Variants in RUNX2 observed in about 807,000 individuals in gnomAD.
RUNX2 encodes the protein RUNX family transcription factor 2, also known as runt-related transcription factor 2.
RUNX2 carries 10 observed loss-of-function variants against 51.7 expected under a neutral mutation model. The observed-to-expected ratio is 0.19, with a 90% CI of 0.12 to 0.33. The LOEUF is 0.33. Ranked by LOEUF, RUNX2 falls within the 10% of genes least tolerant of loss-of-function variation. The pLI is 1.00. For missense variants in RUNX2, 562 were observed against 691.3 expected (o/e 0.81, Z 2.10); for synonymous variants, 276 against 273.6 (o/e 1.01, Z -0.09).
intron 2 of RUNX2, among the ~76,000 whole-genome samples, chr6:45,362,681 C>G (rs538571733): frequency 1.2e-3 from 187 of 152,260 alleles, no homozygotes; most frequent in Admixed American, 0.012. Flanking sequence ...TAGGAGTGGC[C>G]TCTCTATGAG....
At chr6:45,438,091 T>A in intron 5 of RUNX2, 40 bp downstream of exon 5, 1 of 1,257,714 alleles carries the variant, frequency 8.0e-7, no homozygotes, top group Non-Finnish European at 1.2e-6. Context: ...TAATAGAGTT[T>A]CCAGAGACCC....
intron 5 of RUNX2, among the ~76,000 whole-genome samples, chr6:45,463,939 A>G (rs531116818): frequency 3.3e-5 from 5 of 152,346 alleles, no homozygotes; most frequent in African/African-American, 9.6e-5. Context: ...CACGCCTGTA[A>G]TCCCAGCACA....
intron 5 of RUNX2, among the ~76,000 whole-genome samples, chr6:45,448,305 G>T (rs999186277): frequency 5.3e-5 from 8 of 152,230 alleles, no homozygotes; most frequent in African/African-American, 1.9e-4. Context: ...CAGAGGTCAT[G>T]TGGCTGTTGC....
intron 5 of RUNX2, among the ~76,000 whole-genome samples, chr6:45,479,933 T>C (rs1800063175): frequency 6.6e-6 from 1 of 152,232 alleles, no homozygotes; most frequent in African/African-American, 2.4e-5. Flanking sequence ...AACTTGATCC[T>C]ACTCAAAATA....
chr6:45,387,979 G>C (rs1797387444), intron 2 of RUNX2, among the ~76,000 whole-genome samples: 1 of 152,186 alleles, frequency 6.6e-6, no homozygotes, highest in Non-Finnish European at 1.5e-5. Context: ...GCCTGTGAAA[G>C]AGAAAGAGTA....
intron 2 of RUNX2, among the ~76,000 whole-genome samples, chr6:45,331,892 G>C (rs1158018034): frequency 6.6e-6 from 1 of 151,904 alleles, no homozygotes; most frequent in Non-Finnish European, 1.5e-5. Context: ...TCATGCTAAA[G>C]TTAAATTCGG....
rs199696318 is a variant in RUNX2 at position 45,508,891 on chromosome 6, G to GGTTC, written c.860-3354_860-3351dup. Among the ~76,000 whole-genome samples, 936 of 152,208 alleles carry GGTTC rather than the reference G, an allele frequency of 6.1e-3. 6 individuals are homozygous for GGTTC. Among genetic ancestry groups the GGTTC allele is most frequent in the African/African-American group, 0.021 (876 of 41,530 alleles). ...ATTATTCACTCAAGCCACCCTGAAA[G>GGTTC]GTTCATTCAATAGTTGTTTATTGAG... On this transcript the variant is annotated intron_variant, in intron 6 of 8. Transcript: ENST00000647337.
chr6:45,355,784 T>C (rs1212612282), intron 2 of RUNX2, among the ~76,000 whole-genome samples: 1 of 152,198 alleles, frequency 6.6e-6, no homozygotes, highest in Non-Finnish European at 1.5e-5. Context: ...TATCAGTGCT[T>C]GACTTAGAAA....
chr6:45,413,793 CA>C (rs1478053466), intron 2 of RUNX2, among the ~76,000 whole-genome samples: 1 of 151,896 alleles, frequency 6.6e-6, no homozygotes, highest in Non-Finnish European at 1.5e-5. Context: ...TATTTAATAA[CA>C]TATTAAAAAA....
chr6:45,366,673 A>G (rs952261396), intron 2 of RUNX2, among the ~76,000 whole-genome samples: 6 of 152,194 alleles, frequency 3.9e-5, no homozygotes, highest in Admixed American at 3.9e-4. Context: ...CAACTAAACA[A>G]ATACTAAGTA....
At chr6:45,414,741 TCC>T (rs1357787057) in intron 2 of RUNX2, among the ~76,000 whole-genome samples, 1 of 140,182 alleles carries the variant, frequency 7.1e-6, no homozygotes, top group Non-Finnish European at 1.5e-5. Context: ...CTCTCCACCT[TCC>T]CAGATCCTGG....
chr6:45,465,757 T>C (rs1418951773), intron 5 of RUNX2, among the ~76,000 whole-genome samples: 1 of 151,652 alleles, frequency 6.6e-6, no homozygotes, highest in African/African-American at 2.4e-5. Flanking sequence ...CACCTCAGCC[T>C]CTTGAGTAGC....
In RUNX2 at chr6:45,511,654, T is replaced by C. The variant is rs192399598; in HGVS notation, c.860-592T>C. On this transcript the variant is annotated intron_variant, in intron 6 of 8. Coordinates refer to ENST00000647337, the MANE Select transcript of RUNX2 (RefSeq NM_001024630.4). ...CCCTCCATTCTCATTCCTGCCCTTA[T>C]TCCCTTCACCCCATGCTAGAAAGGG... 2.9e-3 allele frequency among the ~76,000 whole-genome samples: 442 copies of C among 152,294 alleles called. 1 individual carries two copies. The highest frequency in any genetic ancestry group is 4.5e-3 in the Non-Finnish European group (304 of 68,032).
At chr6:45,368,567 T>C (rs920390902) in intron 2 of RUNX2, among the ~76,000 whole-genome samples, 2 of 152,118 alleles carry the variant, frequency 1.3e-5, no homozygotes, top group Non-Finnish European at 1.5e-5. Context: ...AGAAATACCA[T>C]GAAACATCTT....
At chr6:45,450,911 G>A (rs1799151830) in intron 5 of RUNX2, among the ~76,000 whole-genome samples, 1 of 152,182 alleles carries the variant, frequency 6.6e-6, no homozygotes, top group Non-Finnish European at 1.5e-5. Context: ...CTGGTGTGGT[G>A]TAATTAGAGG....
At chr6:45,350,535 T>C (rs1791797565) in intron 2 of RUNX2, among the ~76,000 whole-genome samples, 1 of 152,092 alleles carries the variant, frequency 6.6e-6, no homozygotes, top group African/African-American at 2.4e-5. Context: ...CCAATAATAG[T>C]CACAAACTTG....
intron 2 of RUNX2, among the ~76,000 whole-genome samples, chr6:45,356,339 CAT>C (rs973806047): frequency 6.6e-5 from 10 of 152,134 alleles, no homozygotes; most frequent in African/African-American, 2.2e-4. Flanking sequence ...CATATACACA[CAT>C]ATATGTTAAT....
At chr6:45,422,029 G>C (rs1159502842) in intron 2 of RUNX2, 2 of 148,300 alleles carry the variant, frequency 1.3e-5, no homozygotes, top group Admixed American at 6.7e-5. Flanking sequence ...GGGGAGCGGC[G>C]GCCGCCGCGG....
intron 3 of RUNX2, among the ~76,000 whole-genome samples, chr6:45,430,888 G>C (rs1798524236): frequency 6.6e-6 from 1 of 152,122 alleles, no homozygotes. Context: ...GTTACCAAGG[G>C]GCAGGATCTT....
Sources: allele counts gnomAD v4.1 joint callset (sites outside exome capture counted in the v4.1 genomes callset), GRCh38; gene constraint gnomAD v4.1.1; transcripts MANE v1.5; gene names NCBI Gene and HGNC (gene_info 2026-07-23, HGNC 2026-07-21).